Variants in CTNNA3 observed in about 807,000 individuals in gnomAD.
CTNNA3 encodes the protein catenin alpha 3.
CTNNA3 carries 76 observed loss-of-function variants against 95.7 expected under a neutral mutation model. The ratio of observed to expected loss-of-function variants is 0.79; its 90% CI spans 0.66 to 0.96. The LOEUF (loss-of-function observed/expected upper bound fraction) is 0.96. Ranked by LOEUF, CTNNA3 falls within the 40% of genes least tolerant of loss-of-function variation. The pLI is 0.00. For synonymous variants in CTNNA3, 431 were observed against 374.4 expected, an observed-to-expected ratio of 1.15 and a Z score of -1.74; for missense variants, 1,191 against 1,089.8, an observed-to-expected ratio of 1.09 and a Z score of -1.31.
intron 12 of CTNNA3, among the ~76,000 whole-genome samples, chr10:66,322,313 A>G (rs1470023249): frequency 6.6e-6 from 1 of 152,136 alleles, no homozygotes; most frequent in Non-Finnish European, 1.5e-5. Flanking sequence ...ACACTAAGGA[A>G]CTGTGTTTGC....
chr10:67,083,473 G>A (rs931349620), intron 7 of CTNNA3, among the ~76,000 whole-genome samples: 1 of 151,280 alleles, frequency 6.6e-6, no homozygotes, highest in Non-Finnish European at 1.5e-5. Context: ...ACTGTGTTAT[G>A]TTTCGTTGTC....
At chr10:66,071,902 T>A (rs1462572691) in intron 14 of CTNNA3, among the ~76,000 whole-genome samples, 1 of 152,192 alleles carries the variant, frequency 6.6e-6, no homozygotes, top group Non-Finnish European at 1.5e-5. Flanking sequence ...AAAGCTGTGT[T>A]ATCCCAATTG....
At chr10:67,484,967 G>A (rs1299650274) in intron 5 of CTNNA3, among the ~76,000 whole-genome samples, 4 of 152,122 alleles carry the variant, frequency 2.6e-5, no homozygotes, top group South Asian at 2.1e-4. Context: ...CCACTACTGA[G>A]TATATAACCA....
chr10:66,312,670 C>T (rs929184608), intron 12 of CTNNA3, among the ~76,000 whole-genome samples: 1 of 151,958 alleles, frequency 6.6e-6, no homozygotes, highest in African/African-American at 2.4e-5. Flanking sequence ...CCTCAGCCTC[C>T]CGAGTAGCTG....
chr10:66,078,063 T>C (rs2080610573), intron 14 of CTNNA3, among the ~76,000 whole-genome samples: 2 of 151,998 alleles, frequency 1.3e-5, no homozygotes, highest in South Asian at 4.1e-4. Context: ...TTCCACTTGA[T>C]ATCTTACTTT....
intron 6 of CTNNA3, among the ~76,000 whole-genome samples, chr10:67,208,411 C>T (rs959159526): frequency 1.6e-4 from 24 of 150,126 alleles, no homozygotes; most frequent in African/African-American, 5.9e-4. Flanking sequence ...ACAGAAAACA[C>T]CACTGGTATT....
At chr10:67,326,307 T>A (rs1286924321) in intron 5 of CTNNA3, among the ~76,000 whole-genome samples, 1 of 152,222 alleles carries the variant, frequency 6.6e-6, no homozygotes, top group African/African-American at 2.4e-5. Flanking sequence ...GTTTATGTAG[T>A]TGCTTTATAG....
At chr10:67,575,453 C>G (rs1842112034) in intron 3 of CTNNA3, among the ~76,000 whole-genome samples, 1 of 152,124 alleles carries the variant, frequency 6.6e-6, no homozygotes, top group Non-Finnish European at 1.5e-5. Context: ...GGGCCATACT[C>G]CCCAGATAAT....
intron 5 of CTNNA3, among the ~76,000 whole-genome samples, chr10:67,407,351 T>G (rs1041834555): frequency 5.9e-5 from 9 of 152,156 alleles, no homozygotes; most frequent in African/African-American, 1.9e-4. Context: ...AGGAAAGGCC[T>G]TTGGTAAAAA....
At chr10:66,499,167 T>A (rs1162205617) in intron 11 of CTNNA3, among the ~76,000 whole-genome samples, 5 of 152,150 alleles carry the variant, frequency 3.3e-5, no homozygotes, top group Admixed American at 2.6e-4. Context: ...TCTAGAATCC[T>A]ACTAACTTCT....
At chr10:66,534,657 T>C (rs528092251) in intron 10 of CTNNA3, among the ~76,000 whole-genome samples, 3 of 150,082 alleles carry the variant, frequency 2.0e-5, no homozygotes, top group African/African-American at 4.9e-5. Flanking sequence ...TATCTTTTTA[T>C]TTTAATCAGT....
chr10:67,136,520 T>C (rs907267243), intron 7 of CTNNA3, among the ~76,000 whole-genome samples: 5 of 152,094 alleles, frequency 3.3e-5, no homozygotes, highest in Non-Finnish European at 7.3e-5. Flanking sequence ...GATTGCAATA[T>C]TCTAATTACA....
chr10:66,680,613 T>C (rs1417213599), intron 9 of CTNNA3, among the ~76,000 whole-genome samples: 1 of 152,190 alleles, frequency 6.6e-6, no homozygotes, highest in Non-Finnish European at 1.5e-5. Context: ...ACATCTGCCT[T>C]TCCACTATTT....
intron 5 of CTNNA3, among the ~76,000 whole-genome samples, chr10:67,375,870 C>A (rs1475802493): frequency 2.6e-5 from 4 of 152,148 alleles, no homozygotes; most frequent in African/African-American, 7.2e-5. Flanking sequence ...CATAGGCTAA[C>A]CCCCAAAGTG....
intron 13 of CTNNA3, among the ~76,000 whole-genome samples, chr10:66,272,576 C>A (rs529282167): frequency 3.3e-5 from 5 of 152,110 alleles, no homozygotes; most frequent in Admixed American, 1.3e-4. Context: ...CAATGCACCA[C>A]AGGGCCTCAA....
chr10:67,297,122 G>C (rs568099642), intron 5 of CTNNA3, among the ~76,000 whole-genome samples: 2 of 152,082 alleles, frequency 1.3e-5, no homozygotes, highest in African/African-American at 4.8e-5. Flanking sequence ...CCAAGCAACA[G>C]GGTAGCTGGA....
intron 6 of CTNNA3, among the ~76,000 whole-genome samples, chr10:67,190,929 C>A (rs908536937): frequency 1.3e-5 from 2 of 151,832 alleles, no homozygotes; most frequent in African/African-American, 4.8e-5. Flanking sequence ...AAAAATAGGC[C>A]AATGACCTTA....
chr10:66,669,370 C>T (rs996263990), intron 9 of CTNNA3, among the ~76,000 whole-genome samples: 4 of 151,718 alleles, frequency 2.6e-5, no homozygotes, highest in Admixed American at 2.6e-4. Flanking sequence ...ATGGTGAAAC[C>T]CCATCTCTAC....
At chr10:67,465,316 C>A (rs917644489) in intron 5 of CTNNA3, among the ~76,000 whole-genome samples, 3 of 151,924 alleles carry the variant, frequency 2.0e-5, no homozygotes, top group Non-Finnish European at 4.4e-5. Flanking sequence ...CTCAAAATAC[C>A]AGCTATAATA....
Sources: allele counts gnomAD v4.1 joint callset (sites outside exome capture counted in the v4.1 genomes callset), GRCh38; gene constraint gnomAD v4.1.1; transcripts MANE v1.5; gene names NCBI Gene and HGNC (gene_info 2026-07-23, HGNC 2026-07-21).